Variants in FAM120B observed in about 807,000 individuals in gnomAD.
FAM120B encodes the protein family with sequence similarity 120 member B.
FAM120B carries 83 observed loss-of-function variants against 96.3 expected under a neutral mutation model. The observed-to-expected ratio is 0.86, with a 90% CI of 0.72 to 1.03. The LOEUF (loss-of-function observed/expected upper bound fraction) is 1.03. FAM120B is among the 50% of genes least tolerant of loss of function. FAM120B has a pLI of 0.00. For synonymous variants in FAM120B, 407 were observed against 402.7 expected (o/e 1.01, Z -0.13); for missense variants, 1,027 against 1,121.2 (o/e 0.92, Z 1.20).
chr6:170,391,032 T>A lies in FAM120B; in HGVS notation c.2510T>A (p.Phe837Tyr). 1 of 1,614,054 alleles carries A rather than the reference T, an allele frequency of 6.2e-7. No homozygotes were observed. The highest frequency in any genetic ancestry group is 8.5e-7 in the Non-Finnish European group (1 of 1,180,024). ...LEQNRSRLTK[F>Y]HNLKAVVCKA... is the part of the protein sequence containing the mutation. ...TTGCAGAGATCTCGGCTCACCAAAT[T>A]CCACAACCTGAAGGCAGTCGTCTGC... The change falls in exon 8 of 11, where the codon TTC (phenylalanine) becomes TAC (tyrosine). Residue 837 changes from phenylalanine to tyrosine, a missense_variant. Phe to Tyr is a conservative substitution (Grantham distance 22). Coordinates refer to ENST00000476287, the MANE Select transcript of FAM120B (RefSeq NM_032448.3).
At chr6:170,322,820 G>A (rs1785379917) in intron 2 of FAM120B, among the ~76,000 whole-genome samples, 1 of 152,064 alleles carries the variant, frequency 6.6e-6, no homozygotes, top group African/African-American at 2.4e-5. Context: ...AGGTTATCAA[G>A]GAGACAGAAC....
intron 1 of FAM120B, among the ~76,000 whole-genome samples, chr6:170,299,863 C>A (rs1224613036): frequency 6.6e-6 from 1 of 152,236 alleles, no homozygotes; most frequent in Non-Finnish European, 1.5e-5. Flanking sequence ...ACATCCATGC[C>A]CTGTCAGTCA....
intron 7 of FAM120B, among the ~76,000 whole-genome samples, chr6:170,389,025 A>T (rs1461036368): frequency 6.6e-6 from 1 of 152,200 alleles, no homozygotes; most frequent in African/African-American, 2.4e-5. Flanking sequence ...CTGTCCATTA[A>T]ATGGAGGTGA....
chr6:170,369,848 C>T (rs190447757), intron 6 of FAM120B, among the ~76,000 whole-genome samples: 1 of 152,090 alleles, frequency 6.6e-6, no homozygotes, highest in East Asian at 1.9e-4. Context: ...TTCCATGGAA[C>T]CTTTGCACCT....
In FAM120B at chr6:170,318,126, T is replaced by C. The variant is rs1785022952; in HGVS notation, c.736T>C (p.Cys246Arg). ...CATGTTTGAAAGCTTTAGGTACAAA[T>C]GCTTATCGTCCTACACCTCTGTAAA... ...EGMFESFRYK[C>R]LSSYTSVKEN... Residue 246 changes from cysteine (C) to arginine (R), a missense_variant, in exon 2 of 11, where the codon TGC (cysteine) becomes CGC (arginine). Around this residue, in one of 3 missense-constraint regions of FAM120B, gnomAD observed 880 missense variants for 980.9 expected, o/e 0.90. Coordinates refer to ENST00000476287, the MANE Select transcript of FAM120B (RefSeq NM_032448.3). 6.2e-7 allele frequency: 1 copy of C among 1,614,104 alleles called. No individual in the cohort carries two copies. The highest frequency in any genetic ancestry group is 8.5e-7 in the Non-Finnish European group (1 of 1,180,042).
At position 170,318,400 on chromosome 6, in the gene FAM120B, C is replaced by T; in HGVS notation, c.1010C>T (p.Ser337Phe). Residue 337 changes from serine to phenylalanine, a missense_variant, in exon 2 of 11, where the codon TCC (serine) becomes TTC (phenylalanine). This residue lies in a region of FAM120B where 880 missense variants were observed against 980.9 expected (regional missense o/e 0.90). Coordinates refer to ENST00000476287, the MANE Select transcript of FAM120B (RefSeq NM_032448.3). ...QVISTSSDAESREEVPMCSDA... is the reference protein window; with the variant it reads ...QVISTSSDAEFREEVPMCSDA... Reference sequence around the variant, plus strand: ...ATATCCACGAGTTCAGACGCCGAATCCAGGGAAGAAGTTCCCATGTGTTCA... The same window carrying T: ...ATATCCACGAGTTCAGACGCCGAATTCAGGGAAGAAGTTCCCATGTGTTCA... 2 of 1,614,108 alleles carry T rather than the reference C, an allele frequency of 1.2e-6. No homozygotes were observed. The highest frequency in any genetic ancestry group is 1.7e-6 in the Non-Finnish European group (2 of 1,180,036).
Position 170,309,975 on chromosome 6 carries a change from A to G in FAM120B, c.-22+3133A>G, listed in dbSNP as rs16901314. ...ATGTTAGGCTTATTGAGGCATATAC[A>G]GCTATTTCCTTTGGGGGTTTTTGCA... is the stretch of plus-strand genomic sequence containing the variant. On this transcript the variant is annotated intron_variant, in intron 1 of 10. Coordinates refer to ENST00000476287, the MANE Select transcript of FAM120B (RefSeq NM_032448.3). Among the ~76,000 whole-genome samples the G allele has an allele frequency of 8.8e-3, 1,339 of 152,340 alleles. 66 individuals carry two copies. In the East Asian group the frequency reaches 0.11, roughly 12 times the overall value.
At chr6:170,364,644 C>T (rs1788660614) in intron 6 of FAM120B, among the ~76,000 whole-genome samples, 2 of 152,198 alleles carry the variant, frequency 1.3e-5, no homozygotes, top group South Asian at 4.1e-4. Context: ...CCCATCTTTG[C>T]AGAGCTCCCT....
chr6:170,379,160 T>G (rs1030940811), intron 6 of FAM120B, among the ~76,000 whole-genome samples: 2 of 152,176 alleles, frequency 1.3e-5, no homozygotes, highest in African/African-American at 4.8e-5. Flanking sequence ...GGTCCTTTAG[T>G]GGGGATCTGT....
intron 6 of FAM120B, among the ~76,000 whole-genome samples, chr6:170,376,556 T>A (rs1000143042): frequency 1.3e-5 from 2 of 152,068 alleles, no homozygotes; most frequent in Non-Finnish European, 1.5e-5. Flanking sequence ...GATGACCACG[T>A]GCAGCAGAGC....
chr6:170,300,917 A>T (rs1486428408), intron 1 of FAM120B, among the ~76,000 whole-genome samples: 1 of 152,104 alleles, frequency 6.6e-6, no homozygotes, highest in South Asian at 2.1e-4. Context: ...GGCTGCCTTC[A>T]TGGGCTGGCA....
intron 9 of FAM120B, 22 bp from the exon 10 acceptor site, chr6:170,404,528 T>C (rs752205726): frequency 6.2e-7 from 1 of 1,611,648 alleles, no homozygotes; most frequent in South Asian, 1.1e-5. Context: ...CTTACTTTGG[T>C]TTTCATGTCT....
chr6:170,368,112 G>T (rs1409158562), intron 6 of FAM120B, among the ~76,000 whole-genome samples: 2 of 152,188 alleles, frequency 1.3e-5, no homozygotes, highest in Non-Finnish European at 2.9e-5. Flanking sequence ...GTGTAATGTT[G>T]CCTGTTGGTT....
At chr6:170,305,315 C>T (rs1220955094), upstream of FAM120B, among the ~76,000 whole-genome samples, 1 of 152,200 alleles carries the variant, frequency 6.6e-6, no homozygotes, top group African/African-American at 2.4e-5. Flanking sequence ...TGCTTGGTGT[C>T]ACCCCACAGC....
chr6:170,300,998 A>G (rs1434718337), intron 1 of FAM120B, among the ~76,000 whole-genome samples: 1 of 152,162 alleles, frequency 6.6e-6, no homozygotes, highest in Non-Finnish European at 1.5e-5. Context: ...GGGTCTGGAC[A>G]ATGGTGGCCC....
intron 9 of FAM120B, among the ~76,000 whole-genome samples, chr6:170,399,290 G>T (rs6907122): frequency 7.1e-6 from 1 of 140,268 alleles, no homozygotes; most frequent in Middle Eastern, 3.8e-3. Context: ...AGTGAGTGGG[G>T]AAGGTAGAAC....
intron 4 of FAM120B, among the ~76,000 whole-genome samples, chr6:170,335,674 G>T (rs1786370122): frequency 6.6e-6 from 1 of 152,216 alleles, no homozygotes; most frequent in Admixed American, 6.5e-5. Context: ...CCCATCAGCA[G>T]TGTAAAAGCA....
At chr6:170,338,062 T>A (rs962505312) in intron 4 of FAM120B, among the ~76,000 whole-genome samples, 10 of 152,128 alleles carry the variant, frequency 6.6e-5, no homozygotes, top group African/African-American at 2.4e-4. Context: ...TTATTTCTTG[T>A]CTTCTGCTAG....
chr6:170,333,940 T>C (rs1440098550), intron 4 of FAM120B, among the ~76,000 whole-genome samples: 4 of 152,226 alleles, frequency 2.6e-5, no homozygotes, highest in African/African-American at 9.6e-5. Context: ...GTCCTTGATG[T>C]GTGCATGTGT....
Sources: allele counts gnomAD v4.1 joint callset (sites outside exome capture counted in the v4.1 genomes callset), GRCh38; gene constraint gnomAD v4.1.1; regional missense constraint gnomAD v4.1.1; transcripts MANE v1.5; gene names NCBI Gene and HGNC (gene_info 2026-07-23, HGNC 2026-07-21).